The following CNTNAP5 variants were observed in gnomAD, a reference collection of about 807,000 sequenced individuals.
The protein encoded by CNTNAP5 is contactin associated protein family member 5, also known as contactin-associated protein-like 5.
A neutral mutation model predicts 150.2 loss-of-function variants in CNTNAP5; 72 were observed. The observed-to-expected ratio is 0.48, with a 90% CI of 0.40 to 0.58. CNTNAP5 has a LOEUF of 0.58. CNTNAP5 is among the 20% of genes least tolerant of loss of function. The pLI is 0.00. For missense variants in CNTNAP5, 1,636 were observed against 1,626.2 expected (o/e 1.01, Z -0.10); for synonymous variants, 672 against 619.8 (o/e 1.08, Z -1.25).
intron 12 of CNTNAP5, among the ~76,000 whole-genome samples, chr2:124,616,953 A>G (rs1677505586): frequency 6.6e-6 from 1 of 152,166 alleles, no homozygotes; most frequent in African/African-American, 2.4e-5. Flanking sequence ...AACATTAGTG[A>G]CCACTGATCG....
intron 1 of CNTNAP5, among the ~76,000 whole-genome samples, chr2:124,213,686 G>A (rs889664434): frequency 6.6e-6 from 1 of 152,124 alleles, no homozygotes; most frequent in Non-Finnish European, 1.5e-5. Context: ...ATTAGATTTA[G>A]AGCATGAAAG....
intron 21 of CNTNAP5, among the ~76,000 whole-genome samples, chr2:124,881,060 G>A (rs759680697): frequency 1.3e-5 from 2 of 152,080 alleles, no homozygotes; most frequent in Non-Finnish European, 2.9e-5. Flanking sequence ...GGGAGACAAG[G>A]GAAACAAGAA....
intron 13 of CNTNAP5, among the ~76,000 whole-genome samples, chr2:124,713,249 C>G (rs796859888): frequency 4.2e-5 from 3 of 71,276 alleles, no homozygotes; most frequent in Admixed American, 2.8e-4. Flanking sequence ...CTTTCTCTTT[C>G]TTTCTTTCTT....
chr2:124,612,979 G>C (rs530485571), intron 12 of CNTNAP5, among the ~76,000 whole-genome samples: 1 of 152,272 alleles, frequency 6.6e-6, no homozygotes, highest in African/African-American at 2.4e-5. Context: ...ATGAACCTGG[G>C]AGGCAGAGAT....
At chr2:124,839,554 T>C (rs2104690856) in intron 19 of CNTNAP5, among the ~76,000 whole-genome samples, 1 of 152,146 alleles carries the variant, frequency 6.6e-6, no homozygotes, top group Non-Finnish European at 1.5e-5. Flanking sequence ...TTTTAGATGA[T>C]TTTCCACCTC....
chr2:124,243,196 T>C (rs560342483), intron 3 of CNTNAP5, among the ~76,000 whole-genome samples: 10 of 152,296 alleles, frequency 6.6e-5, no homozygotes, highest in Admixed American at 2.6e-4. Flanking sequence ...TTTATATTAT[T>C]TTTCATTGAG....
chr2:124,724,368 G>A (rs570912514), intron 13 of CNTNAP5, among the ~76,000 whole-genome samples: 4 of 152,110 alleles, frequency 2.6e-5, no homozygotes, highest in African/African-American at 7.2e-5. Context: ...CCACACCCTC[G>A]CCAGGGGCAT....
At chr2:124,235,397 C>G (rs1686723866) in intron 2 of CNTNAP5, among the ~76,000 whole-genome samples, 4 of 151,970 alleles carry the variant, frequency 2.6e-5, no homozygotes. Flanking sequence ...CACTTTCAAC[C>G]CTAAGAGCTA....
chr2:124,910,481 A>T (rs894498908), intron 22 of CNTNAP5, among the ~76,000 whole-genome samples: 2 of 152,048 alleles, frequency 1.3e-5, no homozygotes, highest in Admixed American at 6.6e-5. Context: ...AGTTTAAATG[A>T]CACCTGACAG....
At chr2:124,409,071 G>A (rs1237747677) in intron 3 of CNTNAP5, among the ~76,000 whole-genome samples, 3 of 139,136 alleles carry the variant, frequency 2.2e-5, no homozygotes, top group Non-Finnish European at 3.1e-5. Flanking sequence ...ACCAAGGCTC[G>A]AGAACTACGT....
Position 124,349,331 on chromosome 2 carries a change from A to G in CNTNAP5, c.382-68112A>G, listed in dbSNP as rs112461584. Among the ~76,000 whole-genome samples the G allele has an allele frequency of 4.7e-3, 718 of 152,306 alleles. 5 individuals are homozygous for G. Among genetic ancestry groups the G allele is most frequent in the African/African-American group, 0.017 (692 of 41,566 alleles). On this transcript the variant is annotated intron_variant, in intron 3 of 23. Coordinates refer to ENST00000682447, the MANE Select transcript of CNTNAP5 (RefSeq NM_001367498.1). ...GGTGTTTGCATATCTAAACCTAGGA[A>G]AGGTAGAATAAAAAATGTTGTATTA...
intron 22 of CNTNAP5, among the ~76,000 whole-genome samples, chr2:124,908,157 G>A (rs955749749): frequency 3.9e-5 from 6 of 152,068 alleles, no homozygotes; most frequent in African/African-American, 1.2e-4. Flanking sequence ...CAGATCACAA[G>A]GTGAGGAGTT....
chr2:124,165,170 C>G (rs1176604040), intron 1 of CNTNAP5, among the ~76,000 whole-genome samples: 1 of 152,162 alleles, frequency 6.6e-6, no homozygotes, highest in Non-Finnish European at 1.5e-5. Flanking sequence ...AACAGGGCAG[C>G]TAATGTGTTC....
intron 1 of CNTNAP5, among the ~76,000 whole-genome samples, chr2:124,123,368 C>G (rs1030259677): frequency 6.6e-6 from 1 of 152,108 alleles, no homozygotes; most frequent in Non-Finnish European, 1.5e-5. Flanking sequence ...GGGCGTCCAC[C>G]ATTGCTGAGG....
At chr2:124,077,531 A>G (rs192651134) in intron 1 of CNTNAP5, among the ~76,000 whole-genome samples, 116 of 152,348 alleles carry the variant, frequency 7.6e-4, no homozygotes, top group Non-Finnish European at 7.1e-4. Flanking sequence ...ATAGAAAAGT[A>G]TATGTTGACA....
chr2:124,693,071 C>T (rs937958918), intron 13 of CNTNAP5, among the ~76,000 whole-genome samples: 1 of 152,028 alleles, frequency 6.6e-6, no homozygotes, highest in African/African-American at 2.4e-5. Context: ...AAGGTGGCAG[C>T]ATGGCTTGGT....
chr2:124,342,201 G>T (rs568868255), intron 3 of CNTNAP5, among the ~76,000 whole-genome samples: 1 of 152,084 alleles, frequency 6.6e-6, no homozygotes, highest in Non-Finnish European at 1.5e-5. Context: ...TAACCATCTA[G>T]GTTCTTCTTA....
At chr2:124,738,713 A>G (rs1240448303) in intron 13 of CNTNAP5, among the ~76,000 whole-genome samples, 3 of 150,426 alleles carry the variant, frequency 2.0e-5, no homozygotes, top group African/African-American at 7.3e-5. Flanking sequence ...CCTGGGAGAC[A>G]GAGTGAGACT....
Position 124,524,290 on chromosome 2 carries a change from G to C in CNTNAP5, c.1328-13G>C. On this transcript the variant is annotated splice_polypyrimidine_tract_variant and intron_variant, in intron 8 of 23. Transcript: ENST00000682447. Reference sequence around the variant, plus strand: ...CCATCATCTCTATGCTTACTCTCTTGTTTCTCTTGCAGGCAGCAACTTGAA... The same window carrying C: ...CCATCATCTCTATGCTTACTCTCTTCTTTCTCTTGCAGGCAGCAACTTGAA... 6.2e-7 allele frequency: 1 copy of C among 1,613,552 alleles called. No homozygotes were observed. The highest frequency in any genetic ancestry group is 8.5e-7 in the Non-Finnish European group (1 of 1,179,688).
Sources: gnomAD v4.1 joint callset for allele counts (sites outside exome capture counted in the v4.1 genomes callset) on GRCh38, gnomAD v4.1.1 for gene constraint, MANE v1.5 for transcripts, NCBI Gene and HGNC (gene_info 2026-07-23, HGNC 2026-07-21) for gene names.